The following SCOC variants were observed in gnomAD, a reference collection of about 807,000 sequenced individuals.
The protein encoded by SCOC is short coiled coil protein.
In SCOC, 7 loss-of-function variants were observed where a neutral mutation model predicts 9.9. The ratio of observed to expected loss-of-function variants is 0.71; its 90% confidence interval spans 0.40 to 1.33. The LOEUF (loss-of-function observed/expected upper bound fraction) is 1.33. Ranked by LOEUF, SCOC falls within the 40% of genes most tolerant of loss-of-function variation. The probability of loss-of-function intolerance (pLI) is 0.01; values close to 1 mark genes in which losing one functional copy is unlikely to be tolerated. For synonymous variants in SCOC, 19 were observed against 28.2 expected (o/e 0.67, Z 1.03); for missense variants, 66 against 89.7 (o/e 0.74, Z 1.07).
intron 1 of SCOC, among the ~76,000 whole-genome samples, chr4:140,322,098 G>A (rs2126483149): frequency 6.6e-6 from 1 of 152,262 alleles, no homozygotes; most frequent in South Asian, 2.1e-4. Flanking sequence ...AGAAATAAAT[G>A]TCTGTTTCTT....
intron 1 of SCOC, among the ~76,000 whole-genome samples, chr4:140,319,522 T>G (rs1197818816): frequency 2.0e-5 from 3 of 152,148 alleles, no homozygotes; most frequent in African/African-American, 7.2e-5. Context: ...AAATACAATT[T>G]AGTGACCCCA....
rs1728479297 is a variant in SCOC at position 140,379,470 on chromosome 4, G to C, written c.23-99G>C. 7 of 877,320 alleles carry C rather than the reference G, an allele frequency of 8.0e-6. No homozygotes were observed. The Admixed American group carries it at 1.7e-4, about 21-fold the overall frequency. 54.3% of individuals were successfully genotyped at this position (877,320 alleles called of 1,614,324 possible). A position where few individuals can be genotyped will look rare whatever the true frequency, so the allele number is the denominator to read the frequency against. On this transcript the variant is annotated intron_variant, in intron 2 of 3. Coordinates refer to ENST00000608372, the MANE Select transcript of SCOC (RefSeq NM_001153484.2). ...TTCACAGGGCTCTTGTATAAGTCAA[G>C]TAAGAATGAATATAAAACATTTTGC...
intron 2 of SCOC, among the ~76,000 whole-genome samples, chr4:140,362,286 T>C (rs1160516172): frequency 3.4e-4 from 6 of 17,854 alleles, no homozygotes; most frequent in Non-Finnish European, 6.2e-4. Context: ...TACTTCTTCT[T>C]CTTCTTCTTC....
At chr4:140,369,981 C>G (rs1306831850), upstream of SCOC, among the ~76,000 whole-genome samples, 1 of 148,634 alleles carries the variant, frequency 6.7e-6, no homozygotes, top group East Asian at 2.0e-4. Flanking sequence ...TGGGTTCAAG[C>G]AGTTCTCCTG....
chr4:140,276,104 G>C (rs1376911785), intron 1 of SCOC, among the ~76,000 whole-genome samples: 1 of 151,914 alleles, frequency 6.6e-6, no homozygotes, highest in South Asian at 2.1e-4. Context: ...CTGGGTTCAC[G>C]CCATTCTCCT....
intron 1 of SCOC, among the ~76,000 whole-genome samples, chr4:140,260,511 A>G (rs939375278): frequency 6.6e-6 from 1 of 152,220 alleles, no homozygotes; most frequent in African/African-American, 2.4e-5. Context: ...GATCTATCAT[A>G]TGCTCGAAGA....
intron 1 of SCOC, among the ~76,000 whole-genome samples, chr4:140,269,387 G>A (rs557609823): frequency 6.6e-6 from 1 of 152,060 alleles, no homozygotes; most frequent in East Asian, 1.9e-4. Flanking sequence ...CTTTCGTAGA[G>A]CCCTAAGCTG....
At chr4:140,295,896 A>C (rs1361870116) in intron 1 of SCOC, among the ~76,000 whole-genome samples, 1 of 139,646 alleles carries the variant, frequency 7.2e-6, no homozygotes, top group Non-Finnish European at 1.5e-5. Flanking sequence ...GCTCCACTGC[A>C]CTCCAGCCTG....
Position 140,384,523 on chromosome 4 carries a change from A to C in SCOC, c.*3419A>C, listed in dbSNP as rs1578893934. On this transcript the variant is annotated 3_prime_UTR_variant, in exon 4 of 4. Coordinates refer to ENST00000608372, the MANE Select transcript of SCOC (RefSeq NM_001153484.2). ...GCCTGTCTTTGGCAAGAATCACCCTACTCTTGATGTCTCCAGTTAGTAGTT... is the reference window on the plus strand; with the variant it reads ...GCCTGTCTTTGGCAAGAATCACCCTCCTCTTGATGTCTCCAGTTAGTAGTT... 1 of 151,784 alleles carries C rather than the reference A, an allele frequency of 6.6e-6. No homozygotes were observed. Among genetic ancestry groups the C allele is most frequent in the Non-Finnish European group, 1.5e-5 (1 of 67,956 alleles). The allele number at this position is 151,784 out of a possible 1,614,324, so 9.4% of individuals were successfully genotyped here.
intron 1 of SCOC, among the ~76,000 whole-genome samples, chr4:140,374,512 A>G (rs1728246258): frequency 3.3e-5 from 5 of 152,312 alleles, no homozygotes; most frequent in Admixed American, 3.3e-4. Context: ...TTAAATCCTC[A>G]TTTGGCCAAA....
intron 1 of SCOC, among the ~76,000 whole-genome samples, chr4:140,286,790 C>T (rs1033797465): frequency 1.3e-5 from 2 of 152,176 alleles, no homozygotes; most frequent in South Asian, 2.1e-4. Flanking sequence ...GTGGGAGTCA[C>T]GCAGCCTCTA....
intron 3 of SCOC, 78 bp from the exon 4 acceptor site, chr4:140,380,884 A>G (rs1303093853): frequency 8.8e-7 from 1 of 1,141,120 alleles, no homozygotes; most frequent in African/African-American, 1.6e-5. Flanking sequence ...TTCTTTTAAG[A>G]ATGAATCCTA....
intron 1 of SCOC, among the ~76,000 whole-genome samples, chr4:140,294,601 T>C (rs2126440882): frequency 6.6e-6 from 1 of 152,322 alleles, no homozygotes; most frequent in East Asian, 1.9e-4. Flanking sequence ...AAAATTTTAG[T>C]GACCCGTGCT....
At chr4:140,327,194 T>C (rs527645167) in intron 1 of SCOC, among the ~76,000 whole-genome samples, 2 of 152,312 alleles carry the variant, frequency 1.3e-5, no homozygotes, top group African/African-American at 4.8e-5. Context: ...TGTGAAGCCA[T>C]CACAGTGTTG....
intron 1 of SCOC, among the ~76,000 whole-genome samples, chr4:140,260,439 G>A (rs1730606608): frequency 6.6e-6 from 1 of 152,170 alleles, no homozygotes; most frequent in South Asian, 2.1e-4. Flanking sequence ...TTACATATCT[G>A]GAAAGAATCT....
chr4:140,379,778 A>G (rs1728492454), intron 3 of SCOC, 126 bp downstream of exon 3: 2 of 632,376 alleles, frequency 3.2e-6, no homozygotes, highest in Non-Finnish European at 5.6e-6. Context: ...AAGTACACAC[A>G]TATATATATC....
intron 1 of SCOC, among the ~76,000 whole-genome samples, chr4:140,263,577 A>G (rs1398976222): frequency 1.3e-5 from 2 of 152,220 alleles, no homozygotes; most frequent in Admixed American, 6.5e-5. Context: ...GTGGTCTGAC[A>G]GAGCAAATGG....
intron 1 of SCOC, among the ~76,000 whole-genome samples, chr4:140,257,641 T>C (rs1284535144): frequency 1.3e-5 from 2 of 152,230 alleles, no homozygotes; most frequent in African/African-American, 4.8e-5. Flanking sequence ...ATTTAACCTG[T>C]CTCTGCCTCA....
intron 2 of SCOC, among the ~76,000 whole-genome samples, chr4:140,355,338 G>A (rs538462348): frequency 8.6e-5 from 13 of 150,598 alleles, no homozygotes; most frequent in South Asian, 2.1e-4. Flanking sequence ...CATTAAAAAC[G>A]TATTATATGC....
Sources: gnomAD v4.1 joint callset for allele counts (sites outside exome capture counted in the v4.1 genomes callset) on GRCh38, gnomAD v4.1.1 for gene constraint, MANE v1.5 for transcripts, NCBI Gene and HGNC (gene_info 2026-07-23, HGNC 2026-07-21) for gene names.